AKAP19: variants seen among roughly 807,000 people sequenced by gnomAD.
The protein encoded by AKAP19 is A-kinase anchoring protein 19, also known as small A-kinase anchoring protein.
At chr2:189,989,140 A>G in the AKAP19 span, among the ~76,000 whole-genome samples, 1 of 152,200 alleles carries the variant, frequency 6.6e-6, no homozygotes, top group Non-Finnish European at 1.5e-5. Context: ...TCTTTTCCCT[A>G]ATTAATTTAG....
At chr2:189,928,461 A>G in the AKAP19 span, among the ~76,000 whole-genome samples, 1 of 152,104 alleles carries the variant, frequency 6.6e-6, no homozygotes, top group Non-Finnish European at 1.5e-5. Flanking sequence ...ACACAAGAAT[A>G]AAAAAAGCAA....
the AKAP19 span, among the ~76,000 whole-genome samples, chr2:190,130,942 C>T: frequency 1.3e-5 from 2 of 152,216 alleles, no homozygotes; most frequent in South Asian, 4.2e-4. Flanking sequence ...AATGTAAATG[C>T]TCAGATAGAT....
the AKAP19 span, among the ~76,000 whole-genome samples, chr2:189,961,113 T>G: frequency 6.6e-6 from 1 of 152,196 alleles, no homozygotes; most frequent in Non-Finnish European, 1.5e-5. Context: ...ATAAGACAAG[T>G]GCGAGAAACA....
At chr2:190,094,316 G>A in the AKAP19 span, among the ~76,000 whole-genome samples, 1 of 152,174 alleles carries the variant, frequency 6.6e-6, no homozygotes, top group Non-Finnish European at 1.5e-5. Flanking sequence ...TGTACCAGAA[G>A]TTTTGTGTAT....
chr2:190,004,588 T>TA, the AKAP19 span, among the ~76,000 whole-genome samples: 46 of 152,198 alleles, frequency 3.0e-4, no homozygotes, highest in Middle Eastern at 0.01. Flanking sequence ...TTTTTATTTT[T>TA]TTTTTTTGAG....
chr2:189,910,746 C>T, the AKAP19 span, among the ~76,000 whole-genome samples: 22 of 151,800 alleles, frequency 1.4e-4, no homozygotes, highest in Admixed American at 1.3e-4. Context: ...TCTCAATGAA[C>T]GCAACGACAC....
the AKAP19 span, among the ~76,000 whole-genome samples, chr2:190,045,113 A>C: frequency 6.6e-6 from 1 of 151,980 alleles, no homozygotes; most frequent in African/African-American, 2.4e-5. Flanking sequence ...TGCTGTCCCA[A>C]AAAGATTACA....
the AKAP19 span, among the ~76,000 whole-genome samples, chr2:189,893,496 G>C: frequency 0.29 from 43,943 of 152,098 alleles, 10,814 homozygotes; most frequent in African/African-American, 0.67. Context: ...CCTTGCACTT[G>C]CCGGGTGAGG....
chr2:189,980,581 C>T, the AKAP19 span, among the ~76,000 whole-genome samples: 7 of 152,226 alleles, frequency 4.6e-5, no homozygotes, highest in East Asian at 1.9e-4. Context: ...GTGAGCTGCC[C>T]GCCTCAGCCT....
the AKAP19 span, among the ~76,000 whole-genome samples, chr2:190,038,938 T>TTCTTCTTCTTCC: frequency 1.7e-4 from 23 of 137,776 alleles, no homozygotes; most frequent in African/African-American, 7.6e-4. Context: ...CTTCTTCTTC[T>TTCTTCTTCTTCC]TCTTCTTCTT....
At chr2:189,973,292 A>T in the AKAP19 span, among the ~76,000 whole-genome samples, 1 of 151,932 alleles carries the variant, frequency 6.6e-6, no homozygotes, top group Non-Finnish European at 1.5e-5. Context: ...ATGTTTATTG[A>T]TTTGTGTATG....
At chr2:189,979,093 T>C in the AKAP19 span, among the ~76,000 whole-genome samples, 2 of 151,140 alleles carry the variant, frequency 1.3e-5, no homozygotes, top group Non-Finnish European at 2.9e-5. Context: ...CTAAAACCCA[T>C]GTGAAACCAA....
the AKAP19 span, among the ~76,000 whole-genome samples, chr2:190,127,220 A>T: frequency 2.2e-4 from 33 of 151,770 alleles, no homozygotes; most frequent in African/African-American, 7.7e-4. Flanking sequence ...AGACATCTGG[A>T]ACTCTGGTTC....
chr2:190,104,898 A>G, the AKAP19 span, among the ~76,000 whole-genome samples: 2 of 152,204 alleles, frequency 1.3e-5, no homozygotes, highest in Middle Eastern at 3.2e-3. Context: ...GCCCCACATC[A>G]CTAATCATCA....
At chr2:189,976,473 G>C in the AKAP19 span, among the ~76,000 whole-genome samples, 1 of 152,178 alleles carries the variant, frequency 6.6e-6, no homozygotes, top group African/African-American at 2.4e-5. Flanking sequence ...CTCCAGCTGC[G>C]TGCTGGGAGA....
chr2:190,166,288 G>A, the AKAP19 span, among the ~76,000 whole-genome samples: 7 of 128,444 alleles, frequency 5.4e-5, no homozygotes, highest in Admixed American at 5.0e-4. Flanking sequence ...ACTTGACTAT[G>A]TGAAGGAATT....
At chr2:190,186,490 C>A in the AKAP19 span, among the ~76,000 whole-genome samples, 1 of 152,174 alleles carries the variant, frequency 6.6e-6, no homozygotes, top group African/African-American at 2.4e-5. The surrounding 1 kb of genome is among the most constrained non-coding windows in gnomAD (Gnocchi z 5.5). Flanking sequence ...AAGGATGAAA[C>A]CGACTTCTCA....
chr2:190,194,819 A>G, the AKAP19 span, among the ~76,000 whole-genome samples: 1 of 151,972 alleles, frequency 6.6e-6, no homozygotes, highest in Non-Finnish European at 1.5e-5. Flanking sequence ...TAACTTAGTA[A>G]TAAGTATTTG....
the AKAP19 span, among the ~76,000 whole-genome samples, chr2:190,135,656 A>G: frequency 0.57 from 86,675 of 152,122 alleles, 25,400 homozygotes; most frequent in Middle Eastern, 0.68. Context: ...TGGGCAGATC[A>G]TATAGCATCC....
Sources: gnomAD v4.1 joint callset for allele counts (sites outside exome capture counted in the v4.1 genomes callset) on GRCh38, gnomAD v4.1.1 for gene constraint, Gnocchi (gnomAD v3.1) non-coding constraint, MANE v1.5 for transcripts, NCBI Gene and HGNC (gene_info 2026-07-23, HGNC 2026-07-21) for gene names.